PWWP3B: variants seen among roughly 807,000 people sequenced by gnomAD.
PWWP3B encodes PWWP domain-containing DNA repair factor 3B.
PWWP3B carries 5 observed loss-of-function variants against 15.7 expected under a neutral mutation model. The observed-to-expected ratio is 0.32, with a 90% confidence interval of 0.17 to 0.67. The LOEUF (loss-of-function observed/expected upper bound fraction) is 0.67. PWWP3B is among the 30% of genes least tolerant of loss of function. The pLI, the probability that PWWP3B is intolerant of heterozygous loss-of-function variation, is 0.74. For synonymous variants in PWWP3B, 203 were observed against 179.8 expected (o/e 1.13, Z -1.03); for missense variants, 519 against 493.1 (o/e 1.05, Z -0.50).
In PWWP3B at chrX:106,185,009, G is replaced by A. The variant is rs1922422694; in HGVS notation, c.-401+13870G>A. 8.1e-5 allele frequency among the ~76,000 whole-genome samples: 9 copies of A among 111,747 alleles called. No individual in the cohort carries two copies. In the Admixed American group the frequency reaches 8.5e-4, roughly 11 times the overall value. On this transcript the variant is annotated intron_variant, in intron 2 of 3. Transcript: ENST00000357175. Reference sequence around the variant, plus strand: ...AAGCTGAGAGGTTCTGCTGTGGGATGTAAATTGCATGCTTTGCATAGTTGT... The same window carrying A: ...AAGCTGAGAGGTTCTGCTGTGGGATATAAATTGCATGCTTTGCATAGTTGT...
chrX:106,191,426 TGAG>T (rs1018364488), intron 2 of PWWP3B, among the ~76,000 whole-genome samples: 4 of 111,859 alleles, frequency 3.6e-5, no homozygotes, highest in Non-Finnish European at 7.5e-5. Context: ...CTTATCAGCT[TGAG>T]GAGATTTTGG....
intron 2 of PWWP3B, among the ~76,000 whole-genome samples, chrX:106,201,524 A>G (rs982384338): frequency 8.9e-6 from 1 of 112,901 alleles, no homozygotes; most frequent in African/African-American, 3.2e-5. Context: ...TAAGGTTTTG[A>G]ATAGAAATTA....
intron 2 of PWWP3B, among the ~76,000 whole-genome samples, chrX:106,192,314 C>G (rs1243569970): frequency 3.6e-5 from 4 of 111,760 alleles, no homozygotes; most frequent in African/African-American, 1.3e-4. Context: ...TCTAGATTTT[C>G]TAGTTTATTT....
rs1171559991 is a variant in PWWP3B, at chrX:106,206,725, T to G, written c.1293T>G (p.Ser431=). The G allele has an allele frequency of 1.7e-6, 2 of 1,208,144 alleles. No homozygotes were observed. The highest frequency in any genetic ancestry group is 3.5e-5 in the African/African-American group (2 of 57,121). ...SVLFVEANMN[S]EKKGIRVNFR... is the part of the protein sequence containing the mutation. ...TTTTTGTTGAGGCAAACATGAATTC[T>G]GAAAAGAAGGGCATTAGAGTAAATT... Residue 431 remains serine (S), a synonymous_variant, in exon 4 of 4, where the codon TCT becomes TCG. Transcript: ENST00000357175.
chrX:106,172,972 C>T (rs1569356753), intron 2 of PWWP3B, among the ~76,000 whole-genome samples: 1 of 112,018 alleles, frequency 8.9e-6, no homozygotes, highest in African/African-American at 3.2e-5. Flanking sequence ...CTTACAGGAA[C>T]GTCGTCATAT....
At chrX:106,178,473 G>GA (rs1471139634) in intron 2 of PWWP3B, among the ~76,000 whole-genome samples, 5 of 112,134 alleles carry the variant, frequency 4.5e-5, no homozygotes, top group African/African-American at 9.7e-5. Context: ...AACCAAATCA[G>GA]AAAAAATATA....
At chrX:106,200,599 C>T (rs928226363) in intron 2 of PWWP3B, among the ~76,000 whole-genome samples, 7 of 111,348 alleles carry the variant, frequency 6.3e-5, no homozygotes, top group African/African-American at 2.3e-4. Flanking sequence ...AATTGACTTT[C>T]TGAGTTAAAT....
At chrX:106,178,253 C>T (rs1368348384) in intron 2 of PWWP3B, among the ~76,000 whole-genome samples, 4 of 111,818 alleles carry the variant, frequency 3.6e-5, no homozygotes, top group Admixed American at 9.5e-5. Flanking sequence ...GAGTGAGAAA[C>T]GGATAGGATT....
intron 2 of PWWP3B, among the ~76,000 whole-genome samples, chrX:106,188,366 C>G (rs1433934182): frequency 1.8e-5 from 2 of 111,816 alleles, no homozygotes; most frequent in Non-Finnish European, 3.8e-5. Context: ...TTAAACATAT[C>G]TTGTGGAACC....
intron 2 of PWWP3B, among the ~76,000 whole-genome samples, chrX:106,197,088 G>C (rs1923423870): frequency 9.0e-6 from 1 of 111,529 alleles, no homozygotes; most frequent in Non-Finnish European, 1.9e-5. Context: ...GCCTTAGCGG[G>C]GCTCTATGAA....
At chrX:106,183,580 G>A (rs1259631291) in intron 2 of PWWP3B, among the ~76,000 whole-genome samples, 1 of 111,968 alleles carries the variant, frequency 8.9e-6, no homozygotes, top group African/African-American at 3.3e-5. Context: ...ATAAGGGTGT[G>A]GGACTTTTAG....
chrX:106,180,782 C>G (rs1922151867), intron 2 of PWWP3B, among the ~76,000 whole-genome samples: 1 of 111,945 alleles, frequency 8.9e-6, no homozygotes, highest in Admixed American at 9.4e-5. Context: ...AACCTTTTTC[C>G]TGTCCCCTTC....
At chrX:106,190,572 G>A (rs1164922652) in intron 2 of PWWP3B, among the ~76,000 whole-genome samples, 1 of 111,323 alleles carries the variant, frequency 9.0e-6, no homozygotes. Flanking sequence ...GTCAATTTTG[G>A]CTTTTGTTGC....
rs766771061 is a variant in PWWP3B, at chrX:106,207,388, T to C, written c.1956T>C (p.Val652=). The C allele has an allele frequency of 3.9e-5, 46 of 1,172,786 alleles. No individual in the cohort carries two copies. The highest frequency in any genetic ancestry group is 2.3e-4 in the Middle Eastern group (1 of 4,341). The stretch of plus-strand genomic sequence containing the variant: ...CAATTATTTGTTCAATTTCTGCTGT[T>C]GATGGGTTAGATTACGAGGCAGCTG... ...PEAIICSISA[V]DGLDYEAAEA... is the part of the protein sequence containing the mutation. Residue 652 remains valine (V), a synonymous_variant, in exon 4 of 4, where the codon GTT becomes GTC. Transcript: ENST00000357175.
Position 106,206,462 on chromosome X carries a change from G to C in PWWP3B, c.1030G>C (p.Asp344His). The C allele has an allele frequency of 8.3e-7, 1 of 1,209,238 alleles. No homozygotes were observed. Among genetic ancestry groups the C allele is most frequent in the Non-Finnish European group, 1.1e-6 (1 of 894,268 alleles). Residue 344 changes from aspartate to histidine, a missense_variant, in exon 4 of 4, where the codon GAT (aspartate) becomes CAT (histidine). Physicochemically the swap from Asp to His is moderately conservative, Grantham distance 81 (BLOSUM62 -1). Transcript: ENST00000357175. Reference protein sequence around the residue: ...MSSERNFQRLDFEELEEEGQA... With the variant: ...MSSERNFQRLHFEELEEEGQA... ...TAGTGAAAGAAATTTTCAGAGACTG[G>C]ATTTTGAAGAACTTGAGGAAGAAGG... is the stretch of plus-strand genomic sequence containing the variant.
intron 2 of PWWP3B, among the ~76,000 whole-genome samples, chrX:106,175,592 A>G (rs1289677970): frequency 9.0e-6 from 1 of 110,719 alleles, no homozygotes; most frequent in Non-Finnish European, 1.9e-5. Context: ...GAGCGACATC[A>G]TCTTTGGTTC....
rs1258948250 is a variant in PWWP3B at position 106,208,623 on chromosome X, T to C, written c.*1100T>C. ...AGTAGATGAACCAGAATCTGAGAAT[T>C]TGGAAATAGGTCACAGAAAAAGCCT... is the stretch of plus-strand genomic sequence containing the variant. On this transcript the variant is annotated 3_prime_UTR_variant, in exon 4 of 4. Coordinates refer to ENST00000357175, the MANE Select transcript of PWWP3B (RefSeq NM_001171020.2). 1.2e-4 allele frequency: 15 copies of C among 123,974 alleles called. No individual in the cohort carries two copies. The allele number at this position is 123,974 out of a possible 1,213,427, so 10.2% of individuals were successfully genotyped here. A position where few individuals can be genotyped will look rare whatever the true frequency, so the allele number is the denominator to read the frequency against.
chrX:106,185,127 A>G (rs980325272), intron 2 of PWWP3B, among the ~76,000 whole-genome samples: 2 of 111,734 alleles, frequency 1.8e-5, no homozygotes, highest in African/African-American at 3.3e-5. Flanking sequence ...GCAGGATAGT[A>G]TTGTAATTTA....
chrX:106,175,236 C>CTTTT (rs1218589426), intron 2 of PWWP3B, among the ~76,000 whole-genome samples: 13 of 73,147 alleles, frequency 1.8e-4, no homozygotes, highest in Non-Finnish European at 2.6e-4. Flanking sequence ...GGGGTTATTT[C>CTTTT]TTTTTTTTTT....
Sources: allele counts gnomAD v4.1 joint callset (sites outside exome capture counted in the v4.1 genomes callset), GRCh38; gene constraint gnomAD v4.1.1; transcripts MANE v1.5; gene names NCBI Gene and HGNC (gene_info 2026-07-23, HGNC 2026-07-21).